NSMAF: variants seen among roughly 807,000 people sequenced by gnomAD.
NSMAF encodes the protein neutral sphingomyelinase activation associated factor.
Under a neutral mutation model 134.9 loss-of-function variants are expected in NSMAF, and 90 were observed. The observed-to-expected ratio is 0.67, with a 90% CI of 0.56 to 0.79. NSMAF has a LOEUF of 0.79. Ranked by LOEUF, NSMAF falls within the 30% of genes least tolerant of loss-of-function variation. The probability of loss-of-function intolerance (pLI) is 0.00; values close to 1 mark genes in which losing one functional copy is unlikely to be tolerated. For missense variants in NSMAF, 1,010 were observed against 1,119.0 expected (o/e 0.90, Z 1.39); for synonymous variants, 358 against 389.6 (o/e 0.92, Z 0.96).
At chr8:58,600,603 C>A (rs916546247) in intron 16 of NSMAF, among the ~76,000 whole-genome samples, 1 of 112,284 alleles carries the variant, frequency 8.9e-6, no homozygotes, top group Non-Finnish European at 1.6e-5. Context: ...GCCTGGGCGA[C>A]AGAGCAAGAC....
chr8:58,640,927 T>C (rs1392030814), intron 2 of NSMAF, among the ~76,000 whole-genome samples: 1 of 152,094 alleles, frequency 6.6e-6, no homozygotes, highest in East Asian at 1.9e-4. Flanking sequence ...TATTTATTGA[T>C]TGATTTATTT....
At chr8:58,628,176 A>G (rs1458805245) in intron 6 of NSMAF, among the ~76,000 whole-genome samples, 6 of 152,154 alleles carry the variant, frequency 3.9e-5, no homozygotes, top group Admixed American at 3.9e-4. Flanking sequence ...GAAAACTGGC[A>G]AGCCACATGT....
chr8:58,650,432 T>G (rs1807557810), intron 1 of NSMAF, among the ~76,000 whole-genome samples: 1 of 151,876 alleles, frequency 6.6e-6, no homozygotes, highest in African/African-American at 2.4e-5. Context: ...ATTCTTTATT[T>G]GCTAGCCTGA....
rs758708628 is a variant in NSMAF, at chr8:58,631,560, A to G, written c.334-14T>C. On this transcript the variant is annotated splice_polypyrimidine_tract_variant and intron_variant, in intron 5 of 30. Transcript: ENST00000038176. ...AATGAAATATACCTGAGCAAGAAAA[A>G]GCAATACTTGTAAAATAATAACCAA... The G allele has an allele frequency of 1.6e-5, 22 of 1,413,610 alleles. No individual in the cohort carries two copies. The highest frequency in any genetic ancestry group is 2.0e-5 in the Non-Finnish European group (21 of 1,033,028). The allele number at this position is 1,413,610 out of a possible 1,614,324, so 87.6% of individuals were successfully genotyped here. A position where few individuals can be genotyped will look rare whatever the true frequency, so the allele number is the denominator to read the frequency against.
Position 58,587,668 on chromosome 8 carries a change from T to G in NSMAF, c.2245A>C (p.Thr749Pro). 1.2e-6 allele frequency: 2 copies of G among 1,614,200 alleles called. No homozygotes were observed. The highest frequency in any genetic ancestry group is 2.2e-5 in the South Asian group (2 of 91,088). Residue 749 changes from threonine to proline, a missense_variant, in exon 27 of 31, where the codon ACC (threonine) becomes CCC (proline). Physicochemically the swap from Thr to Pro is conservative, Grantham distance 38. Transcript: ENST00000038176. The part of the protein sequence containing the change: ...WSGVPAEMPG[T>P]KRHHFDLLAE... ...AGCAAGTCAAAGTGGTGTCTTTTGG[T>G]GCCTGGCATCTCTGCAGGAACACCA...
intron 7 of NSMAF, 117 bp from the exon 8 acceptor site, chr8:58,623,541 T>TACC (rs1806841014): frequency 2.7e-6 from 3 of 1,124,380 alleles, no homozygotes; most frequent in African/African-American, 1.6e-5. Context: ...ACTTCTGATA[T>TACC]ACCTATGGCT....
rs540847294 is a variant in NSMAF at position 58,594,120 on chromosome 8, C to T, written c.1951+112G>A. 6.3e-5 allele frequency: 53 copies of T among 843,624 alleles called. No homozygotes were observed. In the East Asian group the frequency reaches 1.3e-3, roughly 20 times the overall value. 52.3% of individuals were successfully genotyped at this position (843,624 alleles called of 1,614,324 possible). On this transcript the variant is annotated intron_variant, in intron 23 of 30. Coordinates refer to ENST00000038176, the MANE Select transcript of NSMAF (RefSeq NM_003580.4). ...CCACAAAGGAACTGCTCTAAGTTTA[C>T]TTTATGTGGAGGCAGCACATGCAAG...
chr8:58,648,391 T>C (rs115531997), intron 1 of NSMAF, among the ~76,000 whole-genome samples: 4,123 of 152,086 alleles, frequency 0.027, 206 homozygotes, highest in African/African-American at 0.093. Context: ...GGCCATGTGG[T>C]AGAGAAAGAA....
chr8:58,600,345 T>C (rs1806250568), intron 16 of NSMAF, among the ~76,000 whole-genome samples: 1 of 151,832 alleles, frequency 6.6e-6, no homozygotes. Flanking sequence ...GCACCACTGG[T>C]AGGGCGCGGT....
chr8:58,588,445 G>A, intron 26 of NSMAF: 1 of 1,234,256 alleles, frequency 8.1e-7, no homozygotes, highest in Non-Finnish European at 1.2e-6. Context: ...GGGACGTGGG[G>A]CAGCACCCGC....
Position 58,643,002 on chromosome 8 carries a change from T to G in NSMAF, c.131A>C (p.Lys44Thr). ...TCCTTACCTTTCATGGTGACTGCCC[T>G]TGTGCAAAATGTGATTGGCTCTATG... is the stretch of plus-strand genomic sequence containing the variant. ...EQHRANHILHKGSHHERKIRG... is the reference protein window; with the variant it reads ...EQHRANHILHTGSHHERKIRG... Residue 44 changes from lysine (K) to threonine (T), a missense_variant, in exon 2 of 31, where the codon AAG (lysine) becomes ACG (threonine). Transcript: ENST00000038176. 1 of 1,613,658 alleles carries G rather than the reference T, an allele frequency of 6.2e-7. No individual in the cohort carries two copies.
chr8:58,597,362 C>G (rs572871321), intron 21 of NSMAF, 25 bp downstream of exon 21: 14 of 1,600,298 alleles, frequency 8.7e-6, no homozygotes, highest in African/African-American at 2.7e-5. Context: ...AAGGTGCTCA[C>G]GTTTATTCTC....
chr8:58,589,106 C>T (rs914469606), intron 26 of NSMAF, among the ~76,000 whole-genome samples: 5 of 148,562 alleles, frequency 3.4e-5, no homozygotes, highest in Non-Finnish European at 4.5e-5. Flanking sequence ...GTATGTGATA[C>T]GTAAGGATAT....
chr8:58,585,709 G>C lies in NSMAF; in HGVS notation c.2602C>G (p.Leu868Val). The change falls in exon 30 of 31, where the codon CTG (leucine) becomes GTG (valine). Residue 868 changes from leucine (L) to valine (V), a missense_variant. Coordinates refer to ENST00000038176, the MANE Select transcript of NSMAF (RefSeq NM_003580.4). ...SVLSGSQSGE[L>V]LVWDLLGAKI... ...GCTCCAAGGAGGTCCCAAACGAGCA[G>C]TTCACCAGACTGACTGCCAGATAAA... 1 of 1,614,176 alleles carries C rather than the reference G, an allele frequency of 6.2e-7. No homozygotes were observed. The highest frequency in any genetic ancestry group is 8.5e-7 in the Non-Finnish European group (1 of 1,180,016).
chr8:58,589,465 T>A lies in NSMAF; in HGVS notation c.2198A>T (p.Asp733Val). ...HDNRLYSASW[D>V]STVKVWSGVP... ...TTATATATGAACCTTCACTGTAGAGTCCCACGATGCAGAATATAGCCTGTT... is the reference window on the plus strand; with the variant it reads ...TTATATATGAACCTTCACTGTAGAGACCCACGATGCAGAATATAGCCTGTT... Residue 733 changes from aspartate (D) to valine (V), a missense_variant, in exon 26 of 31, where the codon GAC (aspartate) becomes GTC (valine). Coordinates refer to ENST00000038176, the MANE Select transcript of NSMAF (RefSeq NM_003580.4). 1 of 1,520,746 alleles carries A rather than the reference T, an allele frequency of 6.6e-7. No homozygotes were observed. 94.2% of individuals were successfully genotyped at this position (1,520,746 alleles called of 1,614,324 possible). A position where few individuals can be genotyped will look rare whatever the true frequency, so the allele number is the denominator to read the frequency against.
chr8:58,627,277 C>A (rs771258184), intron 6 of NSMAF, among the ~76,000 whole-genome samples: 2 of 152,088 alleles, frequency 1.3e-5, no homozygotes, highest in African/African-American at 4.8e-5. Flanking sequence ...GTCATGAATT[C>A]TTTGCCTACG....
intron 9 of NSMAF, among the ~76,000 whole-genome samples, chr8:58,613,562 CA>C (rs552677620): frequency 4.8e-5 from 7 of 144,550 alleles, no homozygotes; most frequent in East Asian, 2.0e-4. Flanking sequence ...AGCAGAGGAA[CA>C]AAAAAAAAAT....
intron 28 of NSMAF, among the ~76,000 whole-genome samples, 153 bp from the exon 29 acceptor site, chr8:58,586,153 T>C (rs1454929518): frequency 1.3e-5 from 2 of 152,206 alleles, no homozygotes; most frequent in Non-Finnish European, 2.9e-5. Context: ...CTCCTTGAAA[T>C]GGTTCTAGCC....
chr8:58,621,611 C>T (rs1250992811), intron 9 of NSMAF, among the ~76,000 whole-genome samples: 2 of 152,126 alleles, frequency 1.3e-5, no homozygotes, highest in African/African-American at 4.8e-5. Context: ...TGCAACCTCA[C>T]CAGCATGTTA....
Sources: allele counts gnomAD v4.1 joint callset (sites outside exome capture counted in the v4.1 genomes callset), GRCh38; gene constraint gnomAD v4.1.1; transcripts MANE v1.5; gene names NCBI Gene and HGNC (gene_info 2026-07-23, HGNC 2026-07-21).